SLIT1: variants seen among roughly 807,000 people sequenced by gnomAD.
SLIT1 encodes slit homolog 1 protein.
SLIT1 carries 66 observed loss-of-function variants against 186.1 expected under a neutral mutation model. The ratio of observed to expected loss-of-function variants is 0.35; its 90% CI spans 0.29 to 0.44. The LOEUF (loss-of-function observed/expected upper bound fraction) is 0.44, where lower values mean the gene tolerates loss of function less well. SLIT1 is among the 20% of genes least tolerant of loss of function. The pLI is 1.00. For missense variants in SLIT1, 1,638 were observed against 2,037.4 expected (o/e 0.80, Z 3.77); for synonymous variants, 761 against 833.8 (o/e 0.91, Z 1.50).
chr10:97,063,068 A>G (rs909520669), intron 8 of SLIT1, among the ~76,000 whole-genome samples: 8 of 152,214 alleles, frequency 5.3e-5, no homozygotes, highest in African/African-American at 1.7e-4. Context: ...CCCAGAGGAC[A>G]TCGGAGGAGG....
chr10:97,002,055 G>A (rs1848314292), intron 36 of SLIT1, 103 bp downstream of exon 36: 4 of 721,780 alleles, frequency 5.5e-6, no homozygotes, highest in African/African-American at 3.6e-5. Flanking sequence ...GTACAGGGCT[G>A]GGAAGGGACA....
At chr10:97,016,175 G>GGC in intron 28 of SLIT1, among the ~76,000 whole-genome samples, 1 of 152,156 alleles carries the variant, frequency 6.6e-6, no homozygotes, top group African/African-American at 2.4e-5. Flanking sequence ...CGGGTGTGGT[G>GGC]GTGCATGCCT....
intron 4 of SLIT1, among the ~76,000 whole-genome samples, chr10:97,079,960 A>T (rs549585030): frequency 2.6e-5 from 4 of 152,296 alleles, no homozygotes; most frequent in Admixed American, 1.3e-4. Flanking sequence ...TAGCCTTCAG[A>T]GTAGGTCCAA....
chr10:97,153,834 G>A (rs974907986), intron 4 of SLIT1: 2 of 152,264 alleles, frequency 1.3e-5, no homozygotes, highest in African/African-American at 4.8e-5. Context: ...GGTTTGCAGG[G>A]AAGAGCAGGA....
At position 97,094,328 on chromosome 10, in the gene SLIT1, T is replaced by C. The variant is rs80186585; in HGVS notation, c.414-28242A>G. Among the ~76,000 whole-genome samples the C allele has an allele frequency of 8.5e-3, 1,293 of 152,370 alleles. 38 individuals are homozygous for C. In the East Asian group the frequency reaches 0.09, roughly 11 times the overall value. ...TTTATTTGGAAATTGTCTAAATAAA[T>C]GTGCAAATCTACATCTATAATGAGA... On this transcript the variant is annotated intron_variant, in intron 4 of 36. Transcript: ENST00000266058.
intron 4 of SLIT1, among the ~76,000 whole-genome samples, chr10:97,143,539 T>C (rs1260818467): frequency 6.6e-6 from 1 of 152,210 alleles, no homozygotes; most frequent in Non-Finnish European, 1.5e-5. Context: ...CTGTTTAACA[T>C]GAATGTGAAC....
At chr10:97,111,146 C>T (rs1170495314) in intron 4 of SLIT1, among the ~76,000 whole-genome samples, 1 of 151,348 alleles carries the variant, frequency 6.6e-6, no homozygotes, top group African/African-American at 2.4e-5. Flanking sequence ...GCTGGGGTCG[C>T]ACTACTGCAC....
chr10:97,169,580 C>T (rs1219089823), intron 1 of SLIT1, among the ~76,000 whole-genome samples: 1 of 152,228 alleles, frequency 6.6e-6, no homozygotes, highest in Non-Finnish European at 1.5e-5. Context: ...GCTGCTAGGA[C>T]CTTAAGCCCC....
intron 31 of SLIT1, among the ~76,000 whole-genome samples, chr10:97,007,793 A>G (rs111739472): frequency 1.4e-4 from 21 of 152,240 alleles, no homozygotes; most frequent in Admixed American, 9.8e-4. Flanking sequence ...AACTACATCA[A>G]CCTGATAAAG....
intron 4 of SLIT1, among the ~76,000 whole-genome samples, chr10:97,091,503 T>C (rs1404612742): frequency 6.6e-6 from 1 of 152,242 alleles, no homozygotes; most frequent in African/African-American, 2.4e-5. Context: ...TTGAACTTTG[T>C]AGTTTTATTT....
At position 97,068,820 on chromosome 10, in the gene SLIT1, T is replaced by A. The variant is rs1848976391; in HGVS notation, c.414-2734A>T. The stretch of plus-strand genomic sequence containing the variant: ...GGAGACATTCCCCAGATTCCGCCCA[T>A]TTAGGCTACTCCCCAGAGGGCCCCC... On this transcript the variant is annotated intron_variant, in intron 4 of 36. Coordinates refer to ENST00000266058, the MANE Select transcript of SLIT1 (RefSeq NM_003061.3). The surrounding 1 kb of genome is among the most constrained non-coding windows in gnomAD (Gnocchi z 4.2). Among the ~76,000 whole-genome samples the A allele has an allele frequency of 6.6e-6, 1 of 152,174 alleles. No homozygotes were observed. Among genetic ancestry groups the A allele is most frequent in the Non-Finnish European group, 1.5e-5 (1 of 68,030 alleles).
At chr10:97,132,737 G>T (rs1036326987) in intron 4 of SLIT1, among the ~76,000 whole-genome samples, 7 of 152,330 alleles carry the variant, frequency 4.6e-5, no homozygotes, top group African/African-American at 7.2e-5. Flanking sequence ...GTGCCAGGAC[G>T]CTGGAGTTTC....
At chr10:97,065,768 CA>C (rs1262797824) in intron 5 of SLIT1, 1 of 468,474 alleles carries the variant, frequency 2.1e-6, no homozygotes, top group Non-Finnish European at 3.9e-6. Context: ...TAACACGCTT[CA>C]CCAGGTCCCC....
At chr10:97,185,204 G>A (rs965415234) in intron 1 of SLIT1, among the ~76,000 whole-genome samples, 1 of 152,264 alleles carries the variant, frequency 6.6e-6, no homozygotes, top group African/African-American at 2.4e-5. Flanking sequence ...GCGCAGTGAG[G>A]AGGGCCTGAG....
At position 97,133,704 on chromosome 10, in the gene SLIT1, G is replaced by A. The variant is rs565793577; in HGVS notation, c.413+24114C>T. 1.1e-4 allele frequency among the ~76,000 whole-genome samples: 17 copies of A among 151,880 alleles called. No homozygotes were observed. In the South Asian group the frequency reaches 1.3e-3, roughly 11 times the overall value. On this transcript the variant is annotated intron_variant, in intron 4 of 36. Coordinates refer to ENST00000266058, the MANE Select transcript of SLIT1 (RefSeq NM_003061.3). ...TTTTTTAATAAAATAAAAGTGAAAC[G>A]AGGACTATTTTGCAAGTAGATTACA...
chr10:97,151,192 G>C (rs1849874544), intron 4 of SLIT1, among the ~76,000 whole-genome samples: 1 of 152,194 alleles, frequency 6.6e-6, no homozygotes, highest in African/African-American at 2.4e-5. Flanking sequence ...ACCTAACACA[G>C]AGCCTGGCCC....
intron 4 of SLIT1, among the ~76,000 whole-genome samples, chr10:97,114,071 A>G (rs1262531561): frequency 6.6e-6 from 1 of 152,182 alleles, no homozygotes; most frequent in Non-Finnish European, 1.5e-5. Flanking sequence ...CTAGCAAGGC[A>G]GGAAGTGAGG....
Position 97,014,120 on chromosome 10 carries a change from C to T in SLIT1, c.3008G>A (p.Gly1003Glu). ...CPTGFEGPTC[G>E]VNTDDCVDHA... ...ATCCACACAGTCATCTGTGTTCACC[C>T]CACAGGTTGGTCCTTCAAAGCCGGT... The change falls in exon 29 of 37, where the codon GGG (glycine) becomes GAG (glutamate). Residue 1003 changes from glycine (G) to glutamate (E), a missense_variant. By Grantham distance (98) the Gly-to-Glu change is moderately conservative. Coordinates refer to ENST00000266058, the MANE Select transcript of SLIT1 (RefSeq NM_003061.3). 2 of 1,614,074 alleles carry T rather than the reference C, an allele frequency of 1.2e-6. No homozygotes were observed. Among genetic ancestry groups the T allele is most frequent in the Middle Eastern group, 1.6e-4 (1 of 6,062 alleles).
At chr10:97,030,628 G>T in intron 25 of SLIT1, 129 bp downstream of exon 25, 2 of 736,398 alleles carry the variant, frequency 2.7e-6, no homozygotes, top group South Asian at 1.6e-5. Flanking sequence ...AGGTGCACGT[G>T]GGAAGTTCCC....
Sources: gnomAD v4.1 joint callset for allele counts (sites outside exome capture counted in the v4.1 genomes callset) on GRCh38, gnomAD v4.1.1 for gene constraint, Gnocchi (gnomAD v3.1) non-coding constraint, MANE v1.5 for transcripts, NCBI Gene and HGNC (gene_info 2026-07-23, HGNC 2026-07-21) for gene names.